Variants in CCL24 observed in about 807,000 individuals in gnomAD.
CCL24 encodes the protein C-C motif chemokine 24.
A neutral mutation model predicts 8.6 loss-of-function variants in CCL24; 6 were observed. The observed-to-expected ratio is 0.70, with a 90% confidence interval of 0.38 to 1.38. CCL24 has a LOEUF of 1.38. CCL24 is among the 40% of genes most tolerant of loss of function. The pLI, the probability that CCL24 is intolerant of heterozygous loss-of-function variation, is 0.02. For synonymous variants in CCL24, 59 were observed against 52.7 expected (o/e 1.12, Z -0.52); for missense variants, 126 against 147.1 (o/e 0.86, Z 0.74).
rs1554533682 is a variant in CCL24 at position 75,813,305 on chromosome 7, C to T, written c.191+1G>A. 4 of 1,582,866 alleles carry T rather than the reference C, an allele frequency of 2.5e-6. No individual in the cohort carries two copies. The highest frequency in any genetic ancestry group is 1.7e-6 in the Non-Finnish European group (2 of 1,152,280). On this transcript the variant is annotated splice_donor_variant, in intron 2 of 2. Coordinates refer to ENST00000222902, the MANE Select transcript of CCL24 (RefSeq NM_002991.3). LOFTEE classifies it high-confidence loss of function. ...GCCACGTGCCCATGAAGGATACCTACATCACTCCTGCCTTGAGGCATGTGC... is the reference window on the plus strand; with the variant it reads ...GCCACGTGCCCATGAAGGATACCTATATCACTCCTGCCTTGAGGCATGTGC...
chr7:75,818,711 G>A (rs894031924), upstream of CCL24, among the ~76,000 whole-genome samples: 3 of 150,382 alleles, frequency 2.0e-5, no homozygotes, highest in Admixed American at 6.7e-5. Context: ...TGGAGGGTGG[G>A]TGGGAGGTGA....
At chr7:75,816,657 G>A (rs1554534187), upstream of CCL24, among the ~76,000 whole-genome samples, 1 of 149,524 alleles carries the variant, frequency 6.7e-6, no homozygotes, top group Non-Finnish European at 1.5e-5. Context: ...CACCTCCGAG[G>A]TTCAAGCGAT....
chr7:75,820,106 C>CTTCTTCTTCTTCTTCTT (rs1554534861), intron 1 of CCL24, among the ~76,000 whole-genome samples: 76 of 71,954 alleles, frequency 1.1e-3, no homozygotes, highest in East Asian at 2.8e-3. Context: ...TCTTCTTCTT[C>CTTCTTCTTCTTCTTCTT]CTTCTTCTTC....
rs1271047855 is a variant in CCL24 at position 75,810,928 on chromosome 7, A to G, written c.*868T>C. ...ACACAGTATATCATGCATAGAAAAA[A>G]AAAGCTAGAGTCTTTTCTCCCCCTA... is the stretch of plus-strand genomic sequence containing the variant. On this transcript the variant is annotated 3_prime_UTR_variant, in exon 3 of 3. Coordinates refer to ENST00000222902, the MANE Select transcript of CCL24 (RefSeq NM_002991.3). 1.3e-5 allele frequency among the ~76,000 whole-genome samples: 2 copies of G among 152,000 alleles called. No homozygotes were observed. Among genetic ancestry groups the G allele is most frequent in the Non-Finnish European group, 2.9e-5 (2 of 67,998 alleles).
At chr7:75,812,009 C>T (rs1554533510) in intron 2 of CCL24, 45 bp from the exon 3 acceptor site, 2 of 1,554,256 alleles carry the variant, frequency 1.3e-6, no homozygotes. Flanking sequence ...CGACAGGGAC[C>T]TTGGGCCACT....
In CCL24 at chr7:75,811,796, T is replaced by C; in HGVS notation, c.360A>G (p.Ter120=). Residue 120 remains the stop codon, a stop_retained_variant, in exon 3 of 3, where the codon TAA becomes TAG. Transcript: ENST00000222902. ...TCAGGGCTGGAGGGCTGGGCGGGGA[T>C]TAGCAGGTGGTTTGGTTGCCAGGAT... is the stretch of plus-strand genomic sequence containing the variant. The part of the protein sequence containing the change: ...QRYPGNQTTC[*] The C allele has an allele frequency of 6.2e-7, 1 of 1,612,888 alleles. No homozygotes were observed. Among genetic ancestry groups the C allele is most frequent in the South Asian group, 1.1e-5 (1 of 90,962 alleles).
chr7:75,820,133 C>CTT (rs1563354037), intron 1 of CCL24, among the ~76,000 whole-genome samples: 875 of 78,586 alleles, frequency 0.011, 108 homozygotes, highest in East Asian at 0.067. Context: ...TTCTTCTTCT[C>CTT]CTCCTCCTCC....
At chr7:75,813,011 G>T (rs1431602613) in intron 2 of CCL24, among the ~76,000 whole-genome samples, 1 of 152,092 alleles carries the variant, frequency 6.6e-6, no homozygotes, top group Admixed American at 6.6e-5. Flanking sequence ...GCTGAGATGG[G>T]AGGATCACTT....
intron 1 of CCL24, among the ~76,000 whole-genome samples, chr7:75,823,156 G>A (rs951448222): frequency 1.3e-5 from 2 of 152,132 alleles, no homozygotes; most frequent in Admixed American, 1.3e-4. Flanking sequence ...AGGGGGGAGA[G>A]GGCAGTGGGG....
chr7:75,812,063 G>C lies in CCL24; in HGVS notation c.192-99C>G. On this transcript the variant is annotated intron_variant, in intron 2 of 2. Coordinates refer to ENST00000222902, the MANE Select transcript of CCL24 (RefSeq NM_002991.3). ...GATGTGGACGCCCAGAGACAGTAAG[G>C]CTTCCTTGCAAGTTGCTGAGATGAT... 3 of 969,730 alleles carry C rather than the reference G, an allele frequency of 3.1e-6. No individual in the cohort carries two copies. The South Asian group carries it at 4.7e-5, about 15-fold the overall frequency. The allele number at this position is 969,730 out of a possible 1,614,324, so 60.1% of individuals were successfully genotyped here.
At chr7:75,815,358 A>G (rs1352899170), upstream of CCL24, among the ~76,000 whole-genome samples, 1 of 149,192 alleles carries the variant, frequency 6.7e-6, no homozygotes, top group Non-Finnish European at 1.5e-5. Context: ...AAAAAAAAGA[A>G]AGGCTGGGTG....
chr7:75,818,303 T>C (rs1459067892), upstream of CCL24, among the ~76,000 whole-genome samples: 31 of 151,760 alleles, frequency 2.0e-4, no homozygotes, highest in Middle Eastern at 3.2e-3. Context: ...AAAAATTAGC[T>C]GGGCGTGGTG....
rs558869841 is a variant in CCL24 at position 75,811,870 on chromosome 7, C to T, written c.286G>A (p.Ala96Thr). ...GCCACTGCCCTGGCCCTAGGGGAAG[C>T]CTTCTTCTGCTTGGCGTCCAGGTTC... ...MKNLDAKQKK[A>T]SPRARAVAVK... is the part of the protein sequence containing the mutation. Residue 96 changes from alanine to threonine, a missense_variant, in exon 3 of 3, where the codon GCT becomes ACT. By Grantham distance (58) the Ala-to-Thr change is moderately conservative (BLOSUM62 0). Transcript: ENST00000222902. The T allele has an allele frequency of 9.9e-6, 16 of 1,612,472 alleles. No individual in the cohort carries two copies. The highest frequency in any genetic ancestry group is 5.0e-5 in the Admixed American group (3 of 59,670).
In CCL24 at chr7:75,820,304, G is replaced by A. The variant is rs140682576; in HGVS notation, c.-60+3018C>T. On this transcript the variant is annotated intron_variant, in intron 1 of 3. Transcript: ENST00000416943. Reference sequence around the variant, plus strand: ...GGCAATTCTCCTGCCTCTGCCTCCCGAGTAGCTGGGATTACAGGCGCACGC... The same window carrying A: ...GGCAATTCTCCTGCCTCTGCCTCCCAAGTAGCTGGGATTACAGGCGCACGC... 9.8e-3 allele frequency among the ~76,000 whole-genome samples: 1,493 copies of A among 151,668 alleles called. 14 individuals are homozygous for A. Among genetic ancestry groups the A allele is most frequent in the African/African-American group, 0.018 (761 of 41,370 alleles).
intron 1 of CCL24, among the ~76,000 whole-genome samples, chr7:75,823,033 C>T (rs1338975594): frequency 6.6e-6 from 1 of 152,186 alleles, no homozygotes. Context: ...CTCCGATCCA[C>T]CCCTTACTTT....
At chr7:75,819,304 ATAT>A (rs1251437409) in intron 1 of CCL24, among the ~76,000 whole-genome samples, 3 of 5,702 alleles carry the variant, frequency 5.3e-4, no homozygotes, top group Non-Finnish European at 1.1e-3. Flanking sequence ...AAAAAAAAAA[ATAT>A]ATATATATAT....
At chr7:75,815,204 T>C (rs565159971), upstream of CCL24, among the ~76,000 whole-genome samples, 505 of 151,248 alleles carry the variant, frequency 3.3e-3, 1 homozygote, top group African/African-American at 0.012. Context: ...CCAGGCACGG[T>C]GGTATGCGCC....
intron 1 of CCL24, among the ~76,000 whole-genome samples, chr7:75,819,837 T>C (rs571335720): frequency 6.6e-6 from 1 of 152,152 alleles, no homozygotes; most frequent in Admixed American, 6.6e-5. Context: ...TGACATATTT[T>C]AGTCCCTGAC....
rs11465312 is a variant in CCL24 at position 75,811,852 on chromosome 7, C to T, written c.304G>A (p.Ala102Thr). The T allele has an allele frequency of 9.9e-4, 1,594 of 1,613,058 alleles. 15 individuals are homozygous for T. The African/African-American group carries it at 0.019, about 19-fold the overall frequency. ...TGGACAGGGCCCTTGACAGCCACTG[C>T]CCTGGCCCTAGGGGAAGCCTTCTTC... ...KQKKASPRARAVAVKGPVQRY... is the reference protein window; with the variant it reads ...KQKKASPRARTVAVKGPVQRY... The change falls in exon 3 of 3, where the codon GCA (alanine) becomes ACA (threonine). Residue 102 changes from alanine (A) to threonine (T), a missense_variant. By Grantham distance (58) the Ala-to-Thr change is moderately conservative. Coordinates refer to ENST00000222902, the MANE Select transcript of CCL24 (RefSeq NM_002991.3).
Sources: allele counts gnomAD v4.1 joint callset (sites outside exome capture counted in the v4.1 genomes callset), GRCh38; gene constraint gnomAD v4.1.1; transcripts MANE v1.5; gene names NCBI Gene and HGNC (gene_info 2026-07-23, HGNC 2026-07-21).